MCM9: variants seen among roughly 807,000 people sequenced by gnomAD.
The protein encoded by MCM9 is DNA helicase MCM9.
In MCM9, 55 loss-of-function variants were observed where a neutral mutation model predicts 72.8. The ratio of observed to expected loss-of-function variants is 0.76; its 90% CI spans 0.61 to 0.95. The LOEUF (loss-of-function observed/expected upper bound fraction) is 0.95, where lower values mean the gene tolerates loss of function less well. Among genes scored for constraint, MCM9 ranks in the 40% least tolerant of loss-of-function variants. The pLI, the probability that MCM9 is intolerant of heterozygous loss-of-function variation, is 0.00. For synonymous variants in MCM9, 480 were observed against 503.4 expected (o/e 0.95, Z 0.62); for missense variants, 1,279 against 1,377.0 (o/e 0.93, Z 1.13).
At chr6:118,817,233 T>G (rs934197882) in intron 13 of MCM9, among the ~76,000 whole-genome samples, 3 of 151,918 alleles carry the variant, frequency 2.0e-5, no homozygotes, top group Non-Finnish European at 4.4e-5. Flanking sequence ...AACCCATCAT[T>G]TAGGTTTTAA....
intron 8 of MCM9, among the ~76,000 whole-genome samples, chr6:118,895,220 T>A (rs1203348884): frequency 1.3e-5 from 2 of 151,686 alleles, no homozygotes; most frequent in Middle Eastern, 3.4e-3. Context: ...GCGCCGGCGC[T>A]CCCCGGGGGC....
In MCM9 at chr6:118,911,722, G is replaced by A; in HGVS notation, c.1078C>T (p.Gln360Ter). Residue 360 changes from glutamine to a stop codon, truncating the protein, a stop_gained, in exon 8 of 14, where the codon CAG (glutamine) becomes TAG (stop). Transcript: ENST00000619706. LOFTEE classifies it high-confidence loss of function. The stretch of plus-strand genomic sequence containing the variant: ...ATCTTTGCTGCATATTTGAGGAACT[G>A]AGATTTCCCTGTGCCAGGATCCCCA... ...LVGDPGTGKSQFLKYAAKITP... is the reference protein window; with the variant it reads ...LVGDPGTGKS The A allele has an allele frequency of 6.2e-7, 1 of 1,613,686 alleles. No individual in the cohort carries two copies. Among genetic ancestry groups the A allele is most frequent in the Non-Finnish European group, 8.5e-7 (1 of 1,179,822 alleles).
chr6:118,931,800 C>T, intron 2 of MCM9, 62 bp from the exon 3 acceptor site: 1 of 1,281,722 alleles, frequency 7.8e-7, no homozygotes, highest in Non-Finnish European at 1.1e-6. Flanking sequence ...CACAATTTAA[C>T]AAAAACGATT....
At position 118,893,060 on chromosome 6, in the gene MCM9, AAAT is replaced by A. The variant is rs1306306633; in HGVS notation, c.1150+18587_1150+18589del. Among the ~76,000 whole-genome samples the A allele has an allele frequency of 2.6e-5, 4 of 152,336 alleles. No individual in the cohort carries two copies. The East Asian group carries it at 7.7e-4, about 29-fold the overall frequency. On this transcript the variant is annotated intron_variant, in intron 8 of 13. Transcript: ENST00000619706. ...TTTCATTCACAACATTTAAGGAAAA[AAAT>A]GATGGTTTATGGCTAGCAGATAATA...
rs1181889712 is a variant in MCM9 at position 118,932,696 on chromosome 6, T to C, written c.-105A>G. The stretch of plus-strand genomic sequence containing the variant: ...CTTGGAAGTGAATTTGTTTCCTTCT[T>C]TCTCTTTCTTACCGTAGGAAATCTA... On this transcript the variant is annotated 5_prime_UTR_variant, in exon 2 of 14. Transcript: ENST00000619706. The C allele has an allele frequency of 1.2e-6, 1 of 803,896 alleles. No individual in the cohort carries two copies. Among genetic ancestry groups the C allele is most frequent in the Non-Finnish European group, 1.5e-6 (1 of 664,328 alleles). 49.8% of individuals were successfully genotyped at this position (803,896 alleles called of 1,614,324 possible). A position where few individuals can be genotyped will look rare whatever the true frequency, so the allele number is the denominator to read the frequency against.
intron 8 of MCM9, chr6:118,907,874 CT>C: frequency 3.2e-6 from 1 of 308,200 alleles, no homozygotes; most frequent in Non-Finnish European, 6.0e-6. Flanking sequence ...TTTTCTTCTC[CT>C]TTATATGTAA....
intron 5 of MCM9, chr6:118,919,291 G>C (rs1034481568): frequency 1.3e-5 from 2 of 152,202 alleles, no homozygotes; most frequent in Non-Finnish European, 2.9e-5. Context: ...GACCTCATCA[G>C]ATTTGGATTT....
intron 3 of MCM9, among the ~76,000 whole-genome samples, chr6:118,925,754 G>A (rs77153505): frequency 0.011 from 1,641 of 152,008 alleles, 33 homozygotes; most frequent in African/African-American, 0.037. Flanking sequence ...CACACTTTTC[G>A]TTCATATCCT....
Position 118,931,556 on chromosome 6 carries a change from T to C in MCM9, c.168A>G (p.Glu56=), listed in dbSNP as rs55738219. ...TLFETNMEIG[E]YFNMFPSEVL... ...CTTCACTGGGGAACATGTTGAAATA[T>C]TCCCCGATTTCCATGTTGGTCTCAA... Residue 56 remains glutamate (E), a synonymous_variant, in exon 3 of 14, where the codon GAA becomes GAG. Transcript: ENST00000619706. 41 of 1,614,152 alleles carry C rather than the reference T, an allele frequency of 2.5e-5. No homozygotes were observed. Among genetic ancestry groups the C allele is most frequent in the Non-Finnish European group, 3.4e-5 (40 of 1,180,040 alleles).
At chr6:118,833,957 A>C (rs1385431943) in intron 9 of MCM9, among the ~76,000 whole-genome samples, 1 of 152,168 alleles carries the variant, frequency 6.6e-6, no homozygotes, top group Non-Finnish European at 1.5e-5. Context: ...TACATGTGAA[A>C]CGGTGGTGTG....
At chr6:118,871,180 G>C (rs993917015) in intron 8 of MCM9, among the ~76,000 whole-genome samples, 11 of 151,998 alleles carry the variant, frequency 7.2e-5, no homozygotes, top group South Asian at 2.1e-4. Flanking sequence ...GATTAACAGA[G>C]ATACAAAAAT....
At chr6:118,850,364 A>G (rs1365146704) in intron 9 of MCM9, among the ~76,000 whole-genome samples, 1 of 151,876 alleles carries the variant, frequency 6.6e-6, no homozygotes, top group African/African-American at 2.4e-5. Flanking sequence ...ACCTTTATAT[A>G]CATATGAAAT....
In MCM9 at chr6:118,899,238, T is replaced by C. The variant is rs114175859; in HGVS notation, c.1150+12412A>G. ...TCCTTTTAAAATGAAAGTTGGCTCC[T>C]GTTACTGCTCTGCTCAAAACCCTTC... is the stretch of plus-strand genomic sequence containing the variant. On this transcript the variant is annotated intron_variant, in intron 8 of 13. Transcript: ENST00000619706. Among the ~76,000 whole-genome samples, 793 of 152,358 alleles carry C rather than the reference T, an allele frequency of 5.2e-3. 6 individuals are homozygous for C. Among genetic ancestry groups the C allele is most frequent in the African/African-American group, 0.017 (717 of 41,584 alleles).
intron 13 of MCM9, among the ~76,000 whole-genome samples, chr6:118,823,634 T>A (rs1773964173): frequency 6.6e-6 from 1 of 152,190 alleles, no homozygotes; most frequent in African/African-American, 2.4e-5. Context: ...TCCCTAGAAG[T>A]AGGTCCTTTA....
intron 8 of MCM9, chr6:118,910,631 C>T: frequency 1.0e-6 from 1 of 985,058 alleles, no homozygotes; most frequent in Non-Finnish European, 1.2e-6. Context: ...TTGTTGGTAT[C>T]ATTTTATACA....
chr6:118,917,208 A>AG (rs1190949533), intron 6 of MCM9, among the ~76,000 whole-genome samples: 1 of 152,228 alleles, frequency 6.6e-6, no homozygotes, highest in East Asian at 1.9e-4. Flanking sequence ...AATACATCAA[A>AG]GAAAAACAAT....
Position 118,815,647 on chromosome 6 carries a change from C to A in MCM9, c.2609G>T (p.Cys870Phe). The A allele has an allele frequency of 6.5e-7, 1 of 1,550,276 alleles. No individual in the cohort carries two copies. Among genetic ancestry groups the A allele is most frequent in the East Asian group, 2.4e-5 (1 of 40,904 alleles). Residue 870 changes from cysteine (C) to phenylalanine (F), a missense_variant, in exon 14 of 14, where the codon TGC becomes TTC. Transcript: ENST00000619706. ...GGACTGAGGATGGGAAGGGACTGTG[C>A]ACTGTGCAGGCACCCTGGTGCTATT... is the stretch of plus-strand genomic sequence containing the variant. Reference protein sequence around the residue: ...CRNSTRVPAQCTVPSHPQSTP... With the variant: ...CRNSTRVPAQFTVPSHPQSTP...
Position 118,911,645 on chromosome 6 carries a change from A to G in MCM9, c.1150+5T>C, listed in dbSNP as rs1780556660. 1 of 1,606,768 alleles carries G rather than the reference A, an allele frequency of 6.2e-7. No homozygotes were observed. ...TAAATTACTTGAAATTGTCACATAC[A>G]ATACCTGCACTAGTAGATCCAATTC... On this transcript the variant is annotated splice_donor_5th_base_variant and intron_variant, in intron 8 of 13. Coordinates refer to ENST00000619706, the MANE Select transcript of MCM9 (RefSeq NM_017696.3).
chr6:118,934,709 C>A (rs1285995404), intron 1 of MCM9, 182 bp downstream of exon 1: 2 of 152,294 alleles, frequency 1.3e-5, no homozygotes, highest in Non-Finnish European at 2.9e-5. Context: ...GGTCTTTGCA[C>A]GCAGCCCCTG....
Sources: allele counts gnomAD v4.1 joint callset (sites outside exome capture counted in the v4.1 genomes callset), GRCh38; gene constraint gnomAD v4.1.1; transcripts MANE v1.5; gene names NCBI Gene and HGNC (gene_info 2026-07-23, HGNC 2026-07-21).